RSRC2: variants seen among roughly 807,000 people sequenced by gnomAD.
The protein encoded by RSRC2 is arginine/serine-rich coiled-coil protein 2.
A neutral mutation model predicts 61.3 loss-of-function variants in RSRC2; 5 were observed. The observed-to-expected ratio is 0.08, with a 90% CI of 0.04 to 0.17. The LOEUF is 0.17. RSRC2 is among the 10% of genes least tolerant of loss of function. The probability of loss-of-function intolerance (pLI) is 1.00; values close to 1 mark genes in which losing one functional copy is unlikely to be tolerated. For missense variants in RSRC2, 381 were observed against 518.8 expected (o/e 0.73, Z 2.58); for synonymous variants, 202 against 166.5 (o/e 1.21, Z -1.64).
intron 7 of RSRC2, among the ~76,000 whole-genome samples, chr12:122,510,062 C>T (rs7967928): frequency 0.61 from 92,286 of 151,996 alleles, 28,883 homozygotes; most frequent in African/African-American, 0.75. Context: ...CCTCAGGTGA[C>T]CCACCTGCCT....
rs747835626 is a variant in RSRC2, at chr12:122,506,942, C to T, written c.1036-19G>A. The stretch of plus-strand genomic sequence containing the variant: ...ATTTGTCCTGTTAACAAACACTGAA[C>T]TTTAAAATATGTAAAATTTAAATAT... On this transcript the variant is annotated intron_variant, in intron 8 of 9. Transcript: ENST00000331738. 2 of 1,313,188 alleles carry T rather than the reference C, an allele frequency of 1.5e-6. No homozygotes were observed. Among genetic ancestry groups the T allele is most frequent in the East Asian group, 2.3e-5 (1 of 43,326 alleles). The allele number at this position is 1,313,188 out of a possible 1,614,324, so 81.3% of individuals were successfully genotyped here.
chr12:122,510,692 G>T (rs150926052), intron 7 of RSRC2, among the ~76,000 whole-genome samples: 1,695 of 152,244 alleles, frequency 0.011, 33 homozygotes, highest in African/African-American at 0.039. Flanking sequence ...ATGGGAAGTA[G>T]GAATCATAGG....
intron 6 of RSRC2, chr12:122,514,615 C>T: frequency 9.7e-7 from 1 of 1,027,850 alleles, no homozygotes; most frequent in Non-Finnish European, 1.2e-6. Context: ...CCATAGTTAC[C>T]AGGAATAAAA....
At chr12:122,507,175 C>T (rs1399216257) in intron 8 of RSRC2, 3 of 462,702 alleles carry the variant, frequency 6.5e-6, no homozygotes, top group East Asian at 4.7e-5. Context: ...GTCAGGGGAT[C>T]GAGACTAGCC....
At chr12:122,519,400 T>C (rs1286377049) in intron 3 of RSRC2, 1 of 162,522 alleles carries the variant, frequency 6.2e-6, no homozygotes, top group Non-Finnish European at 1.3e-5. Flanking sequence ...TAAGTTTAAG[T>C]AAGTAATGGA....
At position 122,504,603 on chromosome 12, in the gene RSRC2, A is replaced by G. The variant is rs1958012043; in HGVS notation, c.*924T>C. 6.6e-6 allele frequency: 1 copy of G among 152,352 alleles called. No individual in the cohort carries two copies. The highest frequency in any genetic ancestry group is 2.4e-5 in the African/African-American group (1 of 41,460). 9.4% of individuals were successfully genotyped at this position (152,352 alleles called of 1,614,324 possible). On this transcript the variant is annotated 3_prime_UTR_variant, in exon 10 of 10. Transcript: ENST00000331738. ...GAGATTGTGCCACTGCACCCAGTTTAGGCAACAGAGCAAGATCCTGTCTCA... is the reference window on the plus strand; with the variant it reads ...GAGATTGTGCCACTGCACCCAGTTTGGGCAACAGAGCAAGATCCTGTCTCA...
At chr12:122,520,599 T>C in intron 3 of RSRC2, 2 of 1,357,030 alleles carry the variant, frequency 1.5e-6, no homozygotes, top group Non-Finnish European at 9.9e-7. Context: ...TGATTTATTA[T>C]AGAAATGTTA....
chr12:122,526,742 T>C, intron 1 of RSRC2, 106 bp downstream of exon 1: 1 of 1,245,782 alleles, frequency 8.0e-7, no homozygotes, highest in Admixed American at 1.8e-5. Flanking sequence ...CGCGGCGCCA[T>C]TTTGTCTACA....
Position 122,514,945 on chromosome 12 carries a change from G to C in RSRC2, c.725+160C>G, listed in dbSNP as rs1055596938. 86 of 806,830 alleles carry C rather than the reference G, an allele frequency of 1.1e-4. 1 individual carries two copies. The Admixed American group carries it at 2.2e-3, about 20-fold the overall frequency. The allele number at this position is 806,830 out of a possible 1,614,324, so 50.0% of individuals were successfully genotyped here. A position where few individuals can be genotyped will look rare whatever the true frequency, so the allele number is the denominator to read the frequency against. On this transcript the variant is annotated intron_variant, in intron 6 of 9. Transcript: ENST00000331738. ...ATCTTATAGTTGTGCAAATGTTTAGGATGAGAATTAAACTATTTACATAGT... is the reference window on the plus strand; with the variant it reads ...ATCTTATAGTTGTGCAAATGTTTAGCATGAGAATTAAACTATTTACATAGT...
At chr12:122,524,101 T>C (rs1288419545) in intron 1 of RSRC2, among the ~76,000 whole-genome samples, 1 of 152,192 alleles carries the variant, frequency 6.6e-6, no homozygotes. Context: ...AGAATAGAGT[T>C]CAACTTTCTC....
intron 2 of RSRC2, among the ~76,000 whole-genome samples, chr12:122,521,787 C>T (rs113695206): frequency 1.1e-3 from 163 of 152,250 alleles, no homozygotes; most frequent in African/African-American, 3.8e-3. Flanking sequence ...AGAAAATAAA[C>T]AGGTTGAATT....
chr12:122,524,883 C>T (rs545184501), intron 1 of RSRC2, among the ~76,000 whole-genome samples: 13 of 152,206 alleles, frequency 8.5e-5, no homozygotes, highest in Non-Finnish European at 1.9e-4. Flanking sequence ...CCAGCAGTGG[C>T]TCTACGAGGT....
intron 3 of RSRC2, chr12:122,519,264 C>T (rs551676526): frequency 1.8e-5 from 8 of 450,458 alleles, no homozygotes; most frequent in African/African-American, 1.6e-4. Flanking sequence ...ACAACAGAAA[C>T]AATGATTTTT....
Position 122,516,861 on chromosome 12 carries a change from T to C in RSRC2, c.602+366A>G, listed in dbSNP as rs143522281. On this transcript the variant is annotated intron_variant, in intron 5 of 9. Coordinates refer to ENST00000331738, the MANE Select transcript of RSRC2 (RefSeq NM_023012.6). ...GTGTGGGTCATCACCCCAGGCTAAT[T>C]TTCATATCTTTTGTAGACATGGGGT... Among the ~76,000 whole-genome samples, 17 of 152,210 alleles carry C rather than the reference T, an allele frequency of 1.1e-4. No individual in the cohort carries two copies. The East Asian group carries it at 2.5e-3, about 22-fold the overall frequency.
chr12:122,514,153 G>A (rs180897162), intron 6 of RSRC2, among the ~76,000 whole-genome samples: 4 of 152,032 alleles, frequency 2.6e-5, no homozygotes, highest in Non-Finnish European at 5.9e-5. Flanking sequence ...GCCTCTCTAT[G>A]AGGCAGTTCT....
intron 8 of RSRC2, chr12:122,507,229 A>C: frequency 2.9e-6 from 1 of 340,028 alleles, no homozygotes; most frequent in Non-Finnish European, 5.6e-6. Flanking sequence ...AATACAAAAA[A>C]CTAGCCTGGC....
rs1419775295 is a variant in RSRC2 at position 122,525,951 on chromosome 12, A to G, written c.6+897T>C. 9.5e-5 allele frequency among the ~76,000 whole-genome samples: 5 copies of G among 52,532 alleles called. 1 individual carries two copies. Among genetic ancestry groups the G allele is most frequent in the Non-Finnish European group, 1.7e-4 (5 of 30,044 alleles). 34.5% of individuals were successfully genotyped at this position (52,532 alleles called of 152,430 possible). On this transcript the variant is annotated intron_variant, in intron 1 of 9. Transcript: ENST00000331738. ...ATTCTCCTGCCTCAGCCTCCCAAGT[A>G]GCTGGGACTACAGGCGTCCGCCACT...
At chr12:122,522,745 C>A (rs1311321902) in intron 1 of RSRC2, 1 of 152,554 alleles carries the variant, frequency 6.6e-6, no homozygotes, top group Non-Finnish European at 1.5e-5. Context: ...ACGATAAAAT[C>A]TTAAAACAAT....
chr12:122,512,043 T>C (rs1958556948), intron 6 of RSRC2, among the ~76,000 whole-genome samples: 1 of 152,144 alleles, frequency 6.6e-6, no homozygotes, highest in African/African-American at 2.4e-5. Flanking sequence ...CCTGACCTTC[T>C]GATCCGCCCG....
Sources: allele counts gnomAD v4.1 joint callset (sites outside exome capture counted in the v4.1 genomes callset), GRCh38; gene constraint gnomAD v4.1.1; transcripts MANE v1.5; gene names NCBI Gene and HGNC (gene_info 2026-07-23, HGNC 2026-07-21).